Variants in SYCE1 observed in about 807,000 individuals in gnomAD.
SYCE1 encodes cancer/testis antigen 76.
Under a neutral mutation model 55.1 loss-of-function variants are expected in SYCE1, and 37 were observed. That is an observed-to-expected ratio of 0.67 (90% CI 0.52 to 0.88). SYCE1 has a LOEUF of 0.88. Ranked by LOEUF, SYCE1 falls within the 40% of genes least tolerant of loss-of-function variation. SYCE1 has a pLI of 0.00. For missense variants in SYCE1, 399 were observed against 416.4 expected (o/e 0.96, Z 0.36); for synonymous variants, 163 against 159.4 (o/e 1.02, Z -0.17).
upstream of SYCE1, among the ~76,000 whole-genome samples, chr10:133,566,760 G>A (rs1488463415): frequency 5.9e-5 from 9 of 151,522 alleles, no homozygotes; most frequent in African/African-American, 2.2e-4. Context: ...AGGGTTAGGG[G>A]TTACAGTTTA....
intron 4 of SYCE1, chr10:133,558,611 G>C (rs1769537160): frequency 3.0e-5 from 16 of 541,500 alleles, no homozygotes; most frequent in Non-Finnish European, 4.9e-5. Context: ...TTCTAACTTA[G>C]AGCTGATGAT....
At chr10:133,560,015 G>T (rs1010280646) in intron 2 of SYCE1, 76 bp downstream of exon 2, 6 of 1,240,314 alleles carry the variant, frequency 4.8e-6, no homozygotes, top group African/African-American at 1.5e-5. Context: ...TTCGTACATT[G>T]TGGGGCCTGA....
Position 133,555,080 on chromosome 10 carries a change from G to T in SYCE1, c.968C>A (p.Ala323Glu). The change falls in exon 13 of 13, where the codon GCA (alanine) becomes GAA (glutamate). Residue 323 changes from alanine (A) to glutamate (E), a missense_variant. Transcript: ENST00000343131. Reference protein sequence around the residue: ...KGERPGAAHQAGPDVLIGQED... With the variant: ...KGERPGAAHQEGPDVLIGQED... ...CTGGCCTATGAGGACATCAGGCCCTGCTTGGTGTGCAGCTCCAGGTCTTTC... is the reference window on the plus strand; with the variant it reads ...CTGGCCTATGAGGACATCAGGCCCTTCTTGGTGTGCAGCTCCAGGTCTTTC... 3 of 1,551,410 alleles carry T rather than the reference G, an allele frequency of 1.9e-6. No individual in the cohort carries two copies. The highest frequency in any genetic ancestry group is 1.7e-6 in the Non-Finnish European group (2 of 1,146,952).
downstream of SYCE1, chr10:133,554,666 CTG>C: frequency 1.4e-6 from 1 of 733,594 alleles, no homozygotes; most frequent in Non-Finnish European, 2.4e-6. Flanking sequence ...TTCAGGGAGT[CTG>C]TGTAGTCCAG....
chr10:133,558,991 T>A (rs752071953), intron 3 of SYCE1, 40 bp from the exon 4 acceptor site: 6 of 1,571,420 alleles, frequency 3.8e-6, no homozygotes, highest in Non-Finnish European at 4.3e-6. Context: ...GAGTGCAGCC[T>A]CTATTCTCTT....
intron 5 of SYCE1, 57 bp downstream of exon 5, chr10:133,558,110 G>A (rs1851732342): frequency 1.2e-6 from 2 of 1,606,346 alleles, no homozygotes; most frequent in African/African-American, 2.7e-5. Context: ...CATAGGGAGA[G>A]TGGGCTTCTG....
rs549824345 is a variant in SYCE1, at chr10:133,559,363, G to T, written c.137-3C>A. 6.2e-7 allele frequency: 1 copy of T among 1,614,022 alleles called. No homozygotes were observed. The highest frequency in any genetic ancestry group is 1.3e-5 in the African/African-American group (1 of 75,028). ...AACTCGGGGCTCTAGGCTTCCCACT[G>T]CACGGAGGAAAGGAGGTTGAGTTGA... On this transcript the variant is annotated splice_polypyrimidine_tract_variant and splice_region_variant and intron_variant, in intron 2 of 12. Transcript: ENST00000343131.
chr10:133,568,040 C>G (rs1851989439), upstream of SYCE1: 2 of 623,846 alleles, frequency 3.2e-6, no homozygotes, highest in Non-Finnish European at 3.0e-6. Context: ...CCGGAGGATC[C>G]TGGGGGACGG....
chr10:133,565,583 T>C lies in SYCE1; in HGVS notation c.-54A>G. ...TCGGGAGGGAGCCTCCAGTGGTGAT[T>C]GGAGCAACCGCCGCTGGGGGCAGGA... On this transcript the variant is annotated 5_prime_UTR_variant, in exon 1 of 13. Transcript: ENST00000343131. 1 of 1,525,518 alleles carries C rather than the reference T, an allele frequency of 6.6e-7. No individual in the cohort carries two copies. The highest frequency in any genetic ancestry group is 8.8e-7 in the Non-Finnish European group (1 of 1,131,490). The allele number at this position is 1,525,518 out of a possible 1,614,324, so 94.5% of individuals were successfully genotyped here.
chr10:133,554,905 G>A lies in SYCE1; in HGVS notation c.*87C>T. On this transcript the variant is annotated 3_prime_UTR_variant, in exon 13 of 13. Coordinates refer to ENST00000343131, the MANE Select transcript of SYCE1 (RefSeq NM_001143764.3). Reference sequence around the variant, plus strand: ...ATGTACCTCTGGCCCAGACCAAGAGGCAGAGTCAAGCCAAGGCTTCAATCA... The same window carrying A: ...ATGTACCTCTGGCCCAGACCAAGAGACAGAGTCAAGCCAAGGCTTCAATCA... 1 of 1,466,052 alleles carries A rather than the reference G, an allele frequency of 6.8e-7. No homozygotes were observed. Among genetic ancestry groups the A allele is most frequent in the Non-Finnish European group, 9.0e-7 (1 of 1,108,322 alleles). The allele number at this position is 1,466,052 out of a possible 1,614,324, so 90.8% of individuals were successfully genotyped here. A position where few individuals can be genotyped will look rare whatever the true frequency, so the allele number is the denominator to read the frequency against.
chr10:133,558,599 C>T (rs899010055), intron 4 of SYCE1: 14 of 537,008 alleles, frequency 2.6e-5, no homozygotes, highest in Non-Finnish European at 4.6e-5. Context: ...TGTCTGGGGA[C>T]ATTCTAACTT....
upstream of SYCE1, chr10:133,565,633 G>A: frequency 2.7e-6 from 3 of 1,097,922 alleles, no homozygotes; most frequent in Non-Finnish European, 3.8e-6. Context: ...CCTGCGCAAT[G>A]CACTCCTGCG....
At chr10:133,553,979 C>A, downstream of SYCE1, 1 of 241,704 alleles carries the variant, frequency 4.1e-6, no homozygotes, top group Non-Finnish European at 7.9e-6. Context: ...TATTCATTAA[C>A]TGAACAATCA....
intron 1 of SYCE1, among the ~76,000 whole-genome samples, chr10:133,563,852 A>G (rs916760557): frequency 3.3e-5 from 5 of 152,208 alleles, no homozygotes; most frequent in African/African-American, 1.2e-4. Context: ...GTGAAAAAGT[A>G]TGAAGAAAAA....
At position 133,555,709 on chromosome 10, in the gene SYCE1, T is replaced by TG. The variant is rs1851654847; in HGVS notation, c.720-3dup. The stretch of plus-strand genomic sequence containing the variant: ...CTGTGCTCTTCCTGAAACAGCTGCC[T>TG]GGGGGGCCCAGTAGGGGGTGGTCAG... On this transcript the variant is annotated splice_region_variant and splice_polypyrimidine_tract_variant and intron_variant, in intron 10 of 12. Transcript: ENST00000343131. 6.2e-7 allele frequency: 1 copy of TG among 1,606,276 alleles called. No individual in the cohort carries two copies. The highest frequency in any genetic ancestry group is 2.2e-5 in the East Asian group (1 of 44,862).
chr10:133,564,480 T>C (rs1211901355), intron 1 of SYCE1: 1 of 966,052 alleles, frequency 1.0e-6, no homozygotes, highest in Non-Finnish European at 1.2e-6. Flanking sequence ...AGGTGCTTAA[T>C]GAAAGGGATA....
At chr10:133,553,926 C>CTT (rs79413613), downstream of SYCE1, 22 of 175,494 alleles carry the variant, frequency 1.3e-4, no homozygotes, top group East Asian at 1.2e-3. Context: ...ATTTATTAGT[C>CTT]TTTTTTTTTC....
At chr10:133,564,411 A>G in intron 1 of SYCE1, 1 of 985,326 alleles carries the variant, frequency 1.0e-6, no homozygotes, top group Non-Finnish European at 1.2e-6. Context: ...TAAATATACT[A>G]GGTTATGTGA....
chr10:133,568,230 C>T (rs568580483), upstream of SYCE1: 8 of 1,353,486 alleles, frequency 5.9e-6, no homozygotes, highest in East Asian at 7.6e-5. Flanking sequence ...CTCCGGGAAC[C>T]CAGTCCTCCT....
Sources: allele counts gnomAD v4.1 joint callset (sites outside exome capture counted in the v4.1 genomes callset), GRCh38; gene constraint gnomAD v4.1.1; transcripts MANE v1.5; gene names NCBI Gene and HGNC (gene_info 2026-07-23, HGNC 2026-07-21).